The following LPP variants were observed in gnomAD, a reference collection of about 807,000 sequenced individuals.
LPP encodes lipoma-preferred partner.
Under a neutral mutation model 60.4 loss-of-function variants are expected in LPP, and 38 were observed. The observed-to-expected ratio is 0.63, with a 90% CI of 0.49 to 0.83. The LOEUF is 0.83. Among genes scored for constraint, LPP ranks in the 40% least tolerant of loss-of-function variants. The probability of loss-of-function intolerance (pLI) is 0.00; values close to 1 mark genes in which losing one functional copy is unlikely to be tolerated. For synonymous variants in LPP, 328 were observed against 290.8 expected (o/e 1.13, Z -1.30); for missense variants, 902 against 783.6 (o/e 1.15, Z -1.80).
intron 8 of LPP, among the ~76,000 whole-genome samples, chr3:188,736,399 T>G (rs978316408): frequency 2.0e-5 from 3 of 152,162 alleles, no homozygotes; most frequent in Admixed American, 2.0e-4. Flanking sequence ...AAATAATTCT[T>G]AAGTAGATAA....
intron 9 of LPP, among the ~76,000 whole-genome samples, chr3:188,799,693 G>A (rs920237012): frequency 6.6e-6 from 1 of 152,088 alleles, no homozygotes; most frequent in Non-Finnish European, 1.5e-5. Context: ...ATCACAAAAA[G>A]GTACGTAAGT....
intron 3 of LPP, among the ~76,000 whole-genome samples, chr3:188,374,717 G>A (rs1172244540): frequency 2.0e-5 from 3 of 152,012 alleles, no homozygotes; most frequent in Non-Finnish European, 4.4e-5. Flanking sequence ...CTGCCTGATT[G>A]CCCTGGCCAG....
At chr3:188,683,586 A>C (rs900188130) in intron 7 of LPP, among the ~76,000 whole-genome samples, 1 of 152,126 alleles carries the variant, frequency 6.6e-6, no homozygotes, top group Admixed American at 6.5e-5. Context: ...TGCCTTGTTC[A>C]CTTGGGTATT....
intron 9 of LPP, among the ~76,000 whole-genome samples, chr3:188,855,346 A>C (rs1560298222): frequency 6.6e-6 from 1 of 152,260 alleles, no homozygotes; most frequent in Non-Finnish European, 1.5e-5. Context: ...CAAATGCAGT[A>C]GTGTCTTGAA....
At chr3:188,353,307 G>C (rs1160629870) in intron 3 of LPP, among the ~76,000 whole-genome samples, 2 of 152,238 alleles carry the variant, frequency 1.3e-5, no homozygotes, top group Admixed American at 1.3e-4. Context: ...AGTTTTTGTT[G>C]AGTTGAACTT....
intron 2 of LPP, among the ~76,000 whole-genome samples, chr3:188,286,339 C>G (rs1408126572): frequency 6.6e-6 from 1 of 152,116 alleles, no homozygotes; most frequent in African/African-American, 2.4e-5. Context: ...GTTTGAGTGA[C>G]TCAACATGCT....
chr3:188,493,844 T>A (rs1490515288), intron 5 of LPP, among the ~76,000 whole-genome samples: 1 of 152,188 alleles, frequency 6.6e-6, no homozygotes, highest in Non-Finnish European at 1.5e-5. Flanking sequence ...TCTTCTCTAT[T>A]CTTCATATTA....
At chr3:188,465,353 G>A (rs1008544235) in intron 4 of LPP, among the ~76,000 whole-genome samples, 2 of 152,092 alleles carry the variant, frequency 1.3e-5, no homozygotes, top group Non-Finnish European at 2.9e-5. Flanking sequence ...GGAACTATTC[G>A]GTGTTATGTC....
At chr3:188,278,618 G>A (rs1740843264) in intron 2 of LPP, among the ~76,000 whole-genome samples, 3 of 151,972 alleles carry the variant, frequency 2.0e-5, no homozygotes, top group South Asian at 4.2e-4. Flanking sequence ...GTCTGGGGAC[G>A]TGCACAGAGC....
At chr3:188,384,764 TG>T (rs140264170) in intron 3 of LPP, among the ~76,000 whole-genome samples, 66,155 of 137,374 alleles carry the variant, frequency 0.48, 15,376 homozygotes, top group East Asian at 0.7. Flanking sequence ...CACTCCAGCC[TG>T]GGCGACAGAG....
chr3:188,215,917 T>C (rs1463846857), intron 1 of LPP, among the ~76,000 whole-genome samples: 1 of 152,212 alleles, frequency 6.6e-6, no homozygotes, highest in African/African-American at 2.4e-5. Flanking sequence ...ATAAAGCAAG[T>C]GTTCCAAAGG....
At chr3:188,194,276 C>T (rs1320542933) in intron 1 of LPP, among the ~76,000 whole-genome samples, 2 of 152,242 alleles carry the variant, frequency 1.3e-5, no homozygotes, top group African/African-American at 2.4e-5. Flanking sequence ...GTCCTCATTT[C>T]AGCTTTACAC....
chr3:188,389,750 TG>T (rs1212966713), intron 3 of LPP, among the ~76,000 whole-genome samples: 5 of 108,030 alleles, frequency 4.6e-5, no homozygotes, highest in African/African-American at 1.8e-4. Context: ...TACTCTAGTC[TG>T]GGCAACAGAG....
intron 2 of LPP, among the ~76,000 whole-genome samples, chr3:188,283,447 G>A (rs1011302200): frequency 2.0e-5 from 3 of 152,182 alleles, no homozygotes; most frequent in African/African-American, 4.8e-5. Flanking sequence ...GGGTCAGACT[G>A]CTCACATGAT....
chr3:188,399,314 A>G (rs1306305744), intron 3 of LPP, among the ~76,000 whole-genome samples: 1 of 152,134 alleles, frequency 6.6e-6, no homozygotes, highest in East Asian at 1.9e-4. Context: ...TTAGGAAAGC[A>G]GTTTTGAAAT....
chr3:188,342,297 A>G (rs372602693), intron 3 of LPP, among the ~76,000 whole-genome samples: 53 of 152,312 alleles, frequency 3.5e-4, no homozygotes, highest in African/African-American at 1.3e-3. Flanking sequence ...CATCCATTGT[A>G]TCTGAATGCC....
At chr3:188,537,881 T>C (rs561375125) in intron 6 of LPP, among the ~76,000 whole-genome samples, 3 of 152,270 alleles carry the variant, frequency 2.0e-5, no homozygotes, top group African/African-American at 7.2e-5. Flanking sequence ...AGTGTGATAT[T>C]GGCCTAAGAT....
chr3:188,730,181 A>C (rs1719928422), intron 8 of LPP, among the ~76,000 whole-genome samples: 1 of 152,206 alleles, frequency 6.6e-6, no homozygotes, highest in South Asian at 2.1e-4. Context: ...CCCACCTTCA[A>C]GGAGAAAATA....
intron 2 of LPP, among the ~76,000 whole-genome samples, chr3:188,253,183 T>C (rs1216677676): frequency 6.6e-6 from 1 of 151,992 alleles, no homozygotes; most frequent in Non-Finnish European, 1.5e-5. Context: ...TACACATATC[T>C]CTCCCAATTT....
Sources: allele counts gnomAD v4.1 joint callset (sites outside exome capture counted in the v4.1 genomes callset), GRCh38; gene constraint gnomAD v4.1.1; transcripts MANE v1.5; gene names NCBI Gene and HGNC (gene_info 2026-07-23, HGNC 2026-07-21).